TPST1: variants seen among roughly 807,000 people sequenced by gnomAD.
TPST1 encodes tyrosylprotein sulfotransferase 1.
Under a neutral mutation model 34.8 loss-of-function variants are expected in TPST1, and 20 were observed. The observed-to-expected ratio is 0.57, with a 90% CI of 0.40 to 0.84. TPST1 has a LOEUF of 0.84. TPST1 is among the 40% of genes least tolerant of loss of function. TPST1 has a pLI of 0.00. For missense variants in TPST1, 353 were observed against 455.5 expected (o/e 0.78, Z 2.05); for synonymous variants, 152 against 159.4 (o/e 0.95, Z 0.35).
chr7:66,332,670 G>T lies in TPST1; in HGVS notation c.1045-19835G>T, dbSNP rs183780263. On this transcript the variant is annotated intron_variant, in intron 3 of 5. Coordinates refer to ENST00000304842, the MANE Select transcript of TPST1 (RefSeq NM_003596.4). This position sits in a 1 kb window ranked among gnomAD's most constrained non-coding sequence, Gnocchi z 4.5. Reference sequence around the variant, plus strand: ...AACTAACCATGGACTGAAAATATGTGGGGGGGAAATGATGCTTACATCTGT... The same window carrying T: ...AACTAACCATGGACTGAAAATATGTTGGGGGGAAATGATGCTTACATCTGT... Among the ~76,000 whole-genome samples, 5 of 152,132 alleles carry T rather than the reference G, an allele frequency of 3.3e-5. No homozygotes were observed. Among genetic ancestry groups the T allele is most frequent in the East Asian group, 3.9e-4 (2 of 5,178 alleles).
intron 3 of TPST1, among the ~76,000 whole-genome samples, chr7:66,317,135 G>A (rs1004174110): frequency 1.3e-5 from 2 of 152,222 alleles, no homozygotes; most frequent in African/African-American, 2.4e-5. Flanking sequence ...GGTTGTCTCT[G>A]ATCTTGCACC....
chr7:66,248,681 G>A (rs556610996), intron 2 of TPST1, among the ~76,000 whole-genome samples: 1 of 150,888 alleles, frequency 6.6e-6, no homozygotes. Flanking sequence ...TTTTTTTTTT[G>A]TGTGTGTGTT....
chr7:66,296,247 T>G, intron 3 of TPST1, among the ~76,000 whole-genome samples: 1 of 40,118 alleles, frequency 2.5e-5, no homozygotes, highest in African/African-American at 1.3e-4. Context: ...CACCCACCCT[T>G]CCCCCCCCCC....
intron 3 of TPST1, among the ~76,000 whole-genome samples, chr7:66,310,029 A>G (rs1288175981): frequency 2.0e-5 from 3 of 152,218 alleles, no homozygotes; most frequent in African/African-American, 7.2e-5. Context: ...TATGGGAGGA[A>G]GAGAAGACCA....
rs567697046 is a variant in TPST1 at position 66,216,745 on chromosome 7, G to A, written c.-102+11223G>A. Among the ~76,000 whole-genome samples, 8 of 152,324 alleles carry A rather than the reference G, an allele frequency of 5.3e-5. No homozygotes were observed. In the South Asian group the frequency reaches 1.4e-3, roughly 28 times the overall value. On this transcript the variant is annotated intron_variant, in intron 1 of 5. Transcript: ENST00000304842. ...AGCCTCCCAAAGTGCTGGGATTACA[G>A]GCGTAAGCCATTGCACCCAGCCCTG...
intron 3 of TPST1, among the ~76,000 whole-genome samples, chr7:66,350,313 C>T (rs1392365998): frequency 6.6e-6 from 1 of 152,182 alleles, no homozygotes; most frequent in South Asian, 2.1e-4. Flanking sequence ...CCGCGCCCAG[C>T]CGAACAAATG....
At chr7:66,346,591 G>A (rs912230846) in intron 3 of TPST1, among the ~76,000 whole-genome samples, 3 of 152,106 alleles carry the variant, frequency 2.0e-5, no homozygotes, top group African/African-American at 7.2e-5. Context: ...ACGTAATATT[G>A]AGTACCTTTT....
intron 1 of TPST1, among the ~76,000 whole-genome samples, chr7:66,236,188 AG>A (rs1789908966): frequency 6.6e-6 from 1 of 152,132 alleles, no homozygotes; most frequent in Admixed American, 6.6e-5. Context: ...GGGGGCCCCA[AG>A]ATTTATTTTC....
intron 2 of TPST1, among the ~76,000 whole-genome samples, chr7:66,277,011 G>A (rs1418865602): frequency 6.6e-6 from 1 of 152,090 alleles, no homozygotes; most frequent in Non-Finnish European, 1.5e-5. Context: ...TTCTGGTAAA[G>A]CGTTAAATAA....
At chr7:66,268,875 G>A (rs1297373703) in intron 2 of TPST1, among the ~76,000 whole-genome samples, 1 of 152,152 alleles carries the variant, frequency 6.6e-6, no homozygotes, top group African/African-American at 2.4e-5. Context: ...TTTTAGTAGA[G>A]ACAGGATTTC....
intron 1 of TPST1, among the ~76,000 whole-genome samples, chr7:66,237,162 G>A (rs1168180360): frequency 6.6e-6 from 1 of 152,066 alleles, no homozygotes; most frequent in Admixed American, 6.5e-5. Context: ...CACTTACTCT[G>A]ACAGTGCAGG....
chr7:66,333,216 A>G (rs993058922), intron 3 of TPST1, among the ~76,000 whole-genome samples: 1 of 152,134 alleles, frequency 6.6e-6, no homozygotes, highest in African/African-American at 2.4e-5. Context: ...TACAAACCCA[A>G]AGCAGCAAAT....
chr7:66,229,345 C>T (rs1177794900), intron 1 of TPST1, among the ~76,000 whole-genome samples: 1 of 152,158 alleles, frequency 6.6e-6, no homozygotes, highest in Non-Finnish European at 1.5e-5. Flanking sequence ...CTCCTGACCT[C>T]GTGATCTGCC....
intron 3 of TPST1, among the ~76,000 whole-genome samples, chr7:66,328,884 CTCTATATA>C (rs1437026095): frequency 2.8e-3 from 82 of 29,380 alleles, no homozygotes; most frequent in Middle Eastern, 0.019. Context: ...CTCTCTCTCT[CTCTATATA>C]TATATATATA....
chr7:66,221,394 G>T (rs1789539983), intron 1 of TPST1, among the ~76,000 whole-genome samples: 1 of 152,150 alleles, frequency 6.6e-6, no homozygotes, highest in Admixed American at 6.5e-5. Context: ...AAGGTTCCCT[G>T]GTTTTAAGCT....
chr7:66,237,859 C>A (rs1789943061), intron 1 of TPST1, among the ~76,000 whole-genome samples: 1 of 152,116 alleles, frequency 6.6e-6, no homozygotes, highest in African/African-American at 2.4e-5. Flanking sequence ...CCGGACCAAA[C>A]TGAGGGTCGG....
chr7:66,257,396 G>A (rs965373139), intron 2 of TPST1, among the ~76,000 whole-genome samples: 1 of 152,198 alleles, frequency 6.6e-6, no homozygotes, highest in African/African-American at 2.4e-5. Flanking sequence ...AGGCACAGAA[G>A]TGTTACTAGT....
At chr7:66,282,889 G>C (rs1033268439) in intron 2 of TPST1, among the ~76,000 whole-genome samples, 2 of 152,178 alleles carry the variant, frequency 1.3e-5, no homozygotes, top group Admixed American at 6.5e-5. Context: ...GCAACACTGA[G>C]TAAACACTTG....
At chr7:66,249,572 G>A (rs1179787587) in intron 2 of TPST1, among the ~76,000 whole-genome samples, 1 of 152,212 alleles carries the variant, frequency 6.6e-6, no homozygotes, top group Non-Finnish European at 1.5e-5. Context: ...GGAGGTCTGG[G>A]ATAGGCCCAA....
Sources: allele counts gnomAD v4.1 joint callset (sites outside exome capture counted in the v4.1 genomes callset), GRCh38; gene constraint gnomAD v4.1.1; non-coding constraint Gnocchi (gnomAD v3.1); transcripts MANE v1.5; gene names NCBI Gene and HGNC (gene_info 2026-07-23, HGNC 2026-07-21).